The following FOXM1 variants were observed in gnomAD, a reference collection of about 807,000 sequenced individuals.
The protein encoded by FOXM1 is forkhead box M1, also known as forkhead box protein M1.
In FOXM1, 25 loss-of-function variants were observed where a neutral mutation model predicts 63.6. That is an observed-to-expected ratio of 0.39 (90% CI 0.29 to 0.55). The LOEUF is 0.55. Ranked by LOEUF, FOXM1 falls within the 20% of genes least tolerant of loss-of-function variation. The pLI is 0.60. For missense variants in FOXM1, 879 were observed against 958.7 expected, an observed-to-expected ratio of 0.92 and a Z score of 1.10; for synonymous variants, 387 against 376.9, an observed-to-expected ratio of 1.03 and a Z score of -0.31.
rs553128346 is a variant in FOXM1 at position 2,865,342 on chromosome 12, G to A, written c.1020+13C>T. Reference sequence around the variant, plus strand: ...ACAAGGCCAAGCCCCGAGCCAGAGGGAAAGAACCTTACTGATTCCAAGTGC... The same window carrying A: ...ACAAGGCCAAGCCCCGAGCCAGAGGAAAAGAACCTTACTGATTCCAAGTGC... On this transcript the variant is annotated intron_variant, in intron 6 of 8. Transcript: ENST00000359843. 4.4e-6 allele frequency: 7 copies of A among 1,608,070 alleles called. No individual in the cohort carries two copies. The South Asian group carries it at 6.6e-5, about 15-fold the overall frequency.
chr12:2,870,874 A>T, intron 3 of FOXM1, among the ~76,000 whole-genome samples: 1 of 147,510 alleles, frequency 6.8e-6, no homozygotes, highest in East Asian at 2.0e-4. Context: ...CAGGAGAATC[A>T]CTTGACCTGG....
In FOXM1 at chr12:2,859,338, A is replaced by G. The variant is rs1388676179; in HGVS notation, c.1592T>C (p.Leu531Pro). ...CCTCCTCTCCCTGTGTTGAATCACA[A>G]GCATTTCCGAGACACACCGGGTTGG... ...RSPTRCVSEM[L>P]VIQHRERRER... The change falls in exon 9 of 9, where the codon CTT (leucine) becomes CCT (proline). Residue 531 changes from leucine (L) to proline (P), a missense_variant. Transcript: ENST00000359843. 2 of 1,613,426 alleles carry G rather than the reference A, an allele frequency of 1.2e-6. No individual in the cohort carries two copies. Among genetic ancestry groups the G allele is most frequent in the African/African-American group, 1.3e-5 (1 of 74,826 alleles).
chr12:2,870,027 G>A (rs1018108351), intron 3 of FOXM1, among the ~76,000 whole-genome samples: 1 of 130,214 alleles, frequency 7.7e-6, no homozygotes, highest in African/African-American at 2.9e-5. Flanking sequence ...TTTCACTTTT[G>A]TTGCCCAGGT....
intron 4 of FOXM1, among the ~76,000 whole-genome samples, chr12:2,866,731 T>C (rs572470946): frequency 1.3e-5 from 2 of 152,310 alleles, no homozygotes; most frequent in South Asian, 4.1e-4. Context: ...TCTACGGGAA[T>C]AAAGACTGAT....
At position 2,864,824 on chromosome 12, in the gene FOXM1, C is replaced by T; in HGVS notation, c.1021-72G>A. The stretch of plus-strand genomic sequence containing the variant: ...AAGGTAAAGAGGGGATGGCAAAACC[C>T]CACCAGCTGCTCTGGTGGTGTGTGC... On this transcript the variant is annotated intron_variant, in intron 6 of 8. Transcript: ENST00000359843. The surrounding 1 kb of genome is among the most constrained non-coding windows in gnomAD (Gnocchi z 5.1). The T allele has an allele frequency of 6.6e-7, 1 of 1,508,482 alleles. No homozygotes were observed. Among genetic ancestry groups the T allele is most frequent in the East Asian group, 2.3e-5 (1 of 44,328 alleles). 93.4% of individuals were successfully genotyped at this position (1,508,482 alleles called of 1,614,324 possible).
At chr12:2,876,891 C>G (rs1307815418) in intron 1 of FOXM1, 29 bp downstream of exon 1, 2 of 152,590 alleles carry the variant, frequency 1.3e-5, no homozygotes, top group Admixed American at 6.5e-5. Context: ...CAGGCCAGGC[C>G]TGGGACTCCA....
chr12:2,864,618 C>T lies in FOXM1; in HGVS notation c.1090+65G>A, dbSNP rs2098119795. 6.3e-7 allele frequency: 1 copy of T among 1,593,050 alleles called. No individual in the cohort carries two copies. The highest frequency in any genetic ancestry group is 1.7e-5 in the Admixed American group (1 of 59,940). ...TGAGGTGGGAACAGAATCCCAGAGT[C>T]TGGTTCCCTAAAGATATGGCCCCAG... On this transcript the variant is annotated intron_variant, in intron 7 of 8. Coordinates refer to ENST00000359843, the MANE Select transcript of FOXM1 (RefSeq NM_021953.4). The surrounding 1 kb of genome is among the most constrained non-coding windows in gnomAD (Gnocchi z 5.1).
At chr12:2,859,931 A>G (rs1435924399) in intron 8 of FOXM1, 2 of 372,662 alleles carry the variant, frequency 5.4e-6, no homozygotes, top group Non-Finnish European at 9.6e-6. Flanking sequence ...GATTTAATGC[A>G]TGAAAATAAG....
In FOXM1 at chr12:2,859,517, T is replaced by G. The variant is rs924946743; in HGVS notation, c.1413A>C (p.Pro471=). The G allele has an allele frequency of 6.2e-7, 1 of 1,613,916 alleles. No homozygotes were observed. Among genetic ancestry groups the G allele is most frequent in the African/African-American group, 1.3e-5 (1 of 74,912 alleles). ...CCACTTTGATGGGTCTCGCTAAGTGTGGCATTTCCTCCCCAGGCTGGATTT... is the reference window on the plus strand; with the variant it reads ...CCACTTTGATGGGTCTCGCTAAGTGGGGCATTTCCTCCCCAGGCTGGATTT... ...EEEIQPGEEM[P]HLARPIKVES... Residue 471 remains proline (P), a synonymous_variant, in exon 9 of 9, where the codon CCA becomes CCC. Transcript: ENST00000359843.
intron 8 of FOXM1, among the ~76,000 whole-genome samples, chr12:2,862,318 T>C (rs962447187): frequency 4.6e-5 from 7 of 151,980 alleles, no homozygotes; most frequent in Non-Finnish European, 8.8e-5. Context: ...ATTGATAAAA[T>C]ATGCAAGAAA....
rs1411125594 is a variant in FOXM1 at position 2,859,340 on chromosome 12, C to T, written c.1590G>A (p.Met530Ile). 6.2e-7 allele frequency: 1 copy of T among 1,613,610 alleles called. No homozygotes were observed. Among genetic ancestry groups the T allele is most frequent in the Non-Finnish European group, 8.5e-7 (1 of 1,179,990 alleles). ...TCCTCTCCCTGTGTTGAATCACAAG[C>T]ATTTCCGAGACACACCGGGTTGGGG... ...LRSPTRCVSE[M>I]LVIQHRERRE... Residue 530 changes from methionine to isoleucine, a missense_variant, in exon 9 of 9, where the codon ATG becomes ATA. Transcript: ENST00000359843.
chr12:2,867,750 T>G (rs1437016567), intron 4 of FOXM1, among the ~76,000 whole-genome samples: 1 of 145,012 alleles, frequency 6.9e-6, no homozygotes, highest in Non-Finnish European at 1.5e-5. Context: ...TCGAGACGGG[T>G]GGATCATTTG....
intron 3 of FOXM1, 68 bp from the exon 4 acceptor site, chr12:2,868,822 A>C: frequency 2.3e-6 from 3 of 1,284,286 alleles, no homozygotes; most frequent in Non-Finnish European, 3.3e-6. Context: ...CAAGCCCTTG[A>C]AGAACATCTA....
chr12:2,875,820 G>A (rs145399295), intron 1 of FOXM1, among the ~76,000 whole-genome samples: 1 of 150,144 alleles, frequency 6.7e-6, no homozygotes, highest in Admixed American at 6.6e-5. Context: ...GAGTGCAATG[G>A]CGCAATCTCA....
chr12:2,869,713 A>C (rs1184824073), intron 3 of FOXM1, among the ~76,000 whole-genome samples: 4 of 150,752 alleles, frequency 2.7e-5, no homozygotes, highest in Non-Finnish European at 5.9e-5. Flanking sequence ...ATGGGATTAC[A>C]GGCATGAGCC....
chr12:2,864,631 G>T lies in FOXM1; in HGVS notation c.1090+52C>A. ...GAATCCCAGAGTCTGGTTCCCTAAA[G>T]ATATGGCCCCAGAACAAGGACCAGG... On this transcript the variant is annotated intron_variant, in intron 7 of 8. Coordinates refer to ENST00000359843, the MANE Select transcript of FOXM1 (RefSeq NM_021953.4). The surrounding 1 kb of genome is among the most constrained non-coding windows in gnomAD (Gnocchi z 5.1). 2 of 1,598,878 alleles carry T rather than the reference G, an allele frequency of 1.3e-6. No homozygotes were observed. Among genetic ancestry groups the T allele is most frequent in the Non-Finnish European group, 1.7e-6 (2 of 1,166,318 alleles).
intron 4 of FOXM1, chr12:2,868,319 C>T (rs1265354245): frequency 2.8e-6 from 1 of 353,746 alleles, no homozygotes; most frequent in African/African-American, 2.1e-5. Flanking sequence ...GAAAAGTGGG[C>T]TTGAGTGCTA....
At chr12:2,876,057 G>A (rs959998274) in intron 1 of FOXM1, among the ~76,000 whole-genome samples, 4 of 151,942 alleles carry the variant, frequency 2.6e-5, no homozygotes, top group Admixed American at 6.6e-5. Context: ...CACTGCGCCC[G>A]GCCTTTTGTT....
intron 3 of FOXM1, 151 bp from the exon 4 acceptor site, chr12:2,868,905 T>C: frequency 1.8e-6 from 1 of 548,614 alleles, no homozygotes; most frequent in South Asian, 3.2e-5. Flanking sequence ...AATAAAATTT[T>C]AGAGTTGGGA....
Sources: gnomAD v4.1 joint callset for allele counts (sites outside exome capture counted in the v4.1 genomes callset) on GRCh38, gnomAD v4.1.1 for gene constraint, Gnocchi (gnomAD v3.1) non-coding constraint, MANE v1.5 for transcripts, NCBI Gene and HGNC (gene_info 2026-07-23, HGNC 2026-07-21) for gene names.